The following ALPK2 variants were observed in gnomAD, a reference collection of about 807,000 sequenced individuals.
The protein encoded by ALPK2 is alpha-protein kinase 2.
In ALPK2, 127 loss-of-function variants were observed where a neutral mutation model predicts 163.1. That is an observed-to-expected ratio of 0.78 (90% confidence interval 0.67 to 0.90). The LOEUF (loss-of-function observed/expected upper bound fraction) is 0.90, where lower values mean the gene tolerates loss of function less well. Ranked by LOEUF, ALPK2 falls within the 40% of genes least tolerant of loss-of-function variation. The pLI, the probability that ALPK2 is intolerant of heterozygous loss-of-function variation, is 0.00. For synonymous variants in ALPK2, 953 were observed against 959.1 expected, an observed-to-expected ratio of 0.99 and a Z score of 0.12; for missense variants, 2,360 against 2,589.6, an observed-to-expected ratio of 0.91 and a Z score of 1.92.
chr18:58,610,858 G>T (rs1325491564), intron 2 of ALPK2, among the ~76,000 whole-genome samples: 1 of 152,086 alleles, frequency 6.6e-6, no homozygotes, highest in African/African-American at 2.4e-5. Flanking sequence ...ACTTTGGGAG[G>T]CCGAGGCAGG....
At chr18:58,557,169 G>A (rs2051797425) in intron 4 of ALPK2, 1 of 152,312 alleles carries the variant, frequency 6.6e-6, no homozygotes, top group African/African-American at 2.4e-5. Flanking sequence ...TGCCCAGCAG[G>A]GCTGGCCACT....
At chr18:58,552,337 C>T (rs942527731) in intron 4 of ALPK2, among the ~76,000 whole-genome samples, 1 of 152,180 alleles carries the variant, frequency 6.6e-6, no homozygotes, top group African/African-American at 2.4e-5. Flanking sequence ...CAAATATTGA[C>T]AGACACTGTG....
intron 1 of ALPK2, among the ~76,000 whole-genome samples, chr18:58,624,217 C>T (rs1420990579): frequency 2.0e-5 from 3 of 152,182 alleles, no homozygotes; most frequent in Non-Finnish European, 4.4e-5. Flanking sequence ...CAGTGCAAAG[C>T]TTAGGTTGTT....
At position 58,523,969 on chromosome 18, in the gene ALPK2, T is replaced by C. The variant is rs758552452; in HGVS notation, c.5595A>G (p.Gly1865=). ...LYYCCIKNSY[G]KVTAEFNLTA... ...TGAGGTTAAATTCAGCAGTCACTTTTCCGTAGCTGTTCTTGATGCAGCAGT... is the reference window on the plus strand; with the variant it reads ...TGAGGTTAAATTCAGCAGTCACTTTCCCGTAGCTGTTCTTGATGCAGCAGT... Residue 1865 remains glycine (G), a synonymous_variant, in exon 7 of 13, where the codon GGA becomes GGG. Coordinates refer to ENST00000361673, the MANE Select transcript of ALPK2 (RefSeq NM_052947.4). 1.9e-6 allele frequency: 3 copies of C among 1,614,206 alleles called. No homozygotes were observed. The highest frequency in any genetic ancestry group is 2.5e-6 in the Non-Finnish European group (3 of 1,180,016).
chr18:58,603,100 C>T (rs1466498365), intron 3 of ALPK2, among the ~76,000 whole-genome samples: 1 of 150,624 alleles, frequency 6.6e-6, no homozygotes. Flanking sequence ...AGGCGAGCAG[C>T]CTATACCGCT....
In ALPK2 at chr18:58,537,460, T is replaced by A; in HGVS notation, c.2727A>T (p.Glu909Asp). ...SHTASEGATG[E>D]NLAKVENSTY... ...TGGAATTCTCCACCTTGGCTAGATTTTCTCCTGTGGCACCTTCACTAGCTG... is the reference window on the plus strand; with the variant it reads ...TGGAATTCTCCACCTTGGCTAGATTATCTCCTGTGGCACCTTCACTAGCTG... Residue 909 changes from glutamate to aspartate, a missense_variant, in exon 5 of 13, where the codon GAA (glutamate) becomes GAT (aspartate). By Grantham distance (45) the Glu-to-Asp change is conservative. Coordinates refer to ENST00000361673, the MANE Select transcript of ALPK2 (RefSeq NM_052947.4). 1 of 1,612,274 alleles carries A rather than the reference T, an allele frequency of 6.2e-7. No homozygotes were observed. The highest frequency in any genetic ancestry group is 1.1e-5 in the South Asian group (1 of 90,870).
chr18:58,540,114 G>A (rs2051682650), intron 4 of ALPK2, among the ~76,000 whole-genome samples: 2 of 152,228 alleles, frequency 1.3e-5, no homozygotes, highest in East Asian at 3.8e-4. Flanking sequence ...TCTACAAGGA[G>A]CTCCCATTCT....
chr18:58,512,133 C>G (rs1457679362), intron 10 of ALPK2: 3 of 152,250 alleles, frequency 2.0e-5, no homozygotes, highest in Non-Finnish European at 2.9e-5. Flanking sequence ...CCAGGGCACC[C>G]TGATTCCCTC....
intron 4 of ALPK2, among the ~76,000 whole-genome samples, chr18:58,542,468 A>G (rs1256858726): frequency 1.3e-5 from 2 of 152,256 alleles, no homozygotes; most frequent in Admixed American, 6.5e-5. Flanking sequence ...AAAAGATGTT[A>G]TCATCTCTTC....
chr18:58,540,784 A>T (rs2051685566), intron 4 of ALPK2, among the ~76,000 whole-genome samples: 2 of 152,214 alleles, frequency 1.3e-5, no homozygotes, highest in South Asian at 4.1e-4. Context: ...ACATTTATGG[A>T]GTAGCTGTCA....
intron 1 of ALPK2, among the ~76,000 whole-genome samples, chr18:58,625,911 T>C (rs948384610): frequency 1.3e-5 from 2 of 152,274 alleles, no homozygotes; most frequent in African/African-American, 2.4e-5. Context: ...TGGGTGTGCA[T>C]AGGCGGAAAT....
At chr18:58,503,057 G>C (rs1183194837) in intron 11 of ALPK2, among the ~76,000 whole-genome samples, 1 of 152,190 alleles carries the variant, frequency 6.6e-6, no homozygotes, top group Admixed American at 6.5e-5. Flanking sequence ...GCGTTTCCTG[G>C]GATCCCCTCT....
chr18:58,566,370 C>A (rs142709151), intron 4 of ALPK2: 1 of 152,136 alleles, frequency 6.6e-6, no homozygotes, highest in Non-Finnish European at 1.5e-5. Context: ...TACTTATGTA[C>A]GGCAACTCCC....
chr18:58,564,557 A>G (rs1279597076), intron 4 of ALPK2, among the ~76,000 whole-genome samples: 1 of 148,202 alleles, frequency 6.7e-6, no homozygotes, highest in Non-Finnish European at 1.5e-5. Flanking sequence ...TTACATCATC[A>G]GGTTTTTTTT....
intron 10 of ALPK2, among the ~76,000 whole-genome samples, chr18:58,513,008 A>G (rs1190087406): frequency 3.0e-4 from 20 of 67,476 alleles, no homozygotes; most frequent in South Asian, 1.1e-3. Context: ...TTGTGTGTTT[A>G]TGTGGGGTGT....
chr18:58,560,060 G>C lies in ALPK2; in HGVS notation c.1962+18754C>G, dbSNP rs565646436. Among the ~76,000 whole-genome samples the C allele has an allele frequency of 5.9e-5, 9 of 152,264 alleles. No homozygotes were observed. The South Asian group carries it at 1.9e-3, about 32-fold the overall frequency. On this transcript the variant is annotated intron_variant, in intron 4 of 12. Transcript: ENST00000361673. ...GGCTACAGAGGAGTGACGTGGTTTG[G>C]CTGTGTCCCCACCCAAATCTCATCT... is the stretch of plus-strand genomic sequence containing the variant.
At chr18:58,584,190 TGAA>T (rs1430101808) in intron 3 of ALPK2, among the ~76,000 whole-genome samples, 1 of 152,228 alleles carries the variant, frequency 6.6e-6, no homozygotes, top group Non-Finnish European at 1.5e-5. Flanking sequence ...GTACAGTCAA[TGAA>T]GAGAAAAGGG....
chr18:58,599,914 C>T (rs763631913), intron 3 of ALPK2, among the ~76,000 whole-genome samples: 3 of 151,444 alleles, frequency 2.0e-5, no homozygotes, highest in Non-Finnish European at 4.4e-5. Flanking sequence ...GATCTTTGGA[C>T]GCTGGCTGTC....
chr18:58,589,500 A>AGACAC (rs1463931980), intron 3 of ALPK2, among the ~76,000 whole-genome samples: 16 of 152,242 alleles, frequency 1.1e-4, no homozygotes, highest in Non-Finnish European at 1.9e-4. Context: ...AGGAATATGA[A>AGACAC]GACACGAGTT....
Sources: gnomAD v4.1 joint callset for allele counts (sites outside exome capture counted in the v4.1 genomes callset) on GRCh38, gnomAD v4.1.1 for gene constraint, MANE v1.5 for transcripts, NCBI Gene and HGNC (gene_info 2026-07-23, HGNC 2026-07-21) for gene names.